RTL4: variants seen among roughly 807,000 people sequenced by gnomAD.
The protein encoded by RTL4 is retrotransposon Gag like 4, also known as retrotransposon Gag-like protein 4.
In RTL4, 4 loss-of-function variants were observed where a neutral mutation model predicts 5.3. That is an observed-to-expected ratio of 0.75 (90% CI 0.37 to 1.72). The LOEUF (loss-of-function observed/expected upper bound fraction) is 1.72, where lower values mean the gene tolerates loss of function less well. RTL4 is among the 40% of genes most tolerant of loss of function. RTL4 has a pLI of 0.04. For missense variants in RTL4, 260 were observed against 227.1 expected (o/e 1.14, Z -0.93); for synonymous variants, 98 against 87.3 (o/e 1.12, Z -0.68).
At chrX:112,332,574 C>T in the RTL4 span, among the ~76,000 whole-genome samples, 1 of 106,950 alleles carries the variant, frequency 9.4e-6, no homozygotes, top group Non-Finnish European at 1.9e-5. Context: ...AGCAAACTAT[C>T]GCAAGGACAA....
At chrX:112,153,834 G>A in the RTL4 span, among the ~76,000 whole-genome samples, 1 of 107,222 alleles carries the variant, frequency 9.3e-6, no homozygotes, top group Non-Finnish European at 2.0e-5. Flanking sequence ...TATCCTACCT[G>A]TAGTTAATTG....
At chrX:112,433,661 A>C in the RTL4 span, among the ~76,000 whole-genome samples, 1 of 42,429 alleles carries the variant, frequency 2.4e-5, no homozygotes, top group South Asian at 1.3e-3. Context: ...CTAGATATAC[A>C]ATCATGTCAT....
the RTL4 span, among the ~76,000 whole-genome samples, chrX:112,260,865 A>G: frequency 9.0e-6 from 1 of 111,700 alleles, no homozygotes; most frequent in Non-Finnish European, 1.9e-5. Flanking sequence ...ATGAATACCT[A>G]ATCTTAGATA....
chrX:112,109,354 C>T, the RTL4 span, among the ~76,000 whole-genome samples: 50 of 111,559 alleles, frequency 4.5e-4, no homozygotes, highest in African/African-American at 1.4e-3. Flanking sequence ...GAGTGAGCAA[C>T]AGCAAGATTT....
the RTL4 span, among the ~76,000 whole-genome samples, chrX:112,212,854 C>T: frequency 2.0e-4 from 23 of 112,204 alleles, no homozygotes; most frequent in African/African-American, 7.4e-4. Context: ...AAACCTATTC[C>T]CATTGAAGCT....
At chrX:112,419,213 A>G in the RTL4 span, among the ~76,000 whole-genome samples, 20 of 102,553 alleles carry the variant, frequency 2.0e-4, no homozygotes, top group African/African-American at 4.2e-4. Context: ...TGGGGCAGTT[A>G]CCTGGGAGGG....
At chrX:112,252,164 T>A in the RTL4 span, among the ~76,000 whole-genome samples, 2 of 112,111 alleles carry the variant, frequency 1.8e-5, no homozygotes, top group Non-Finnish European at 3.8e-5. Context: ...AGTAAACTGG[T>A]TCATGCTTTT....
chrX:112,374,294 C>T, the RTL4 span, among the ~76,000 whole-genome samples: 26 of 111,203 alleles, frequency 2.3e-4, no homozygotes, highest in Admixed American at 2.9e-4. Context: ...TCAGTGCCAC[C>T]TTTGTCATAA....
the RTL4 span, among the ~76,000 whole-genome samples, chrX:112,119,008 T>TC: frequency 1.0e-4 from 10 of 98,537 alleles, no homozygotes; most frequent in African/African-American, 4.3e-4. Context: ...CACACCCAGC[T>TC]AATTTTTTTT....
At chrX:112,222,314 T>A in the RTL4 span, among the ~76,000 whole-genome samples, 1 of 111,453 alleles carries the variant, frequency 9.0e-6, no homozygotes, top group African/African-American at 3.3e-5. Flanking sequence ...AGGATATACA[T>A]TCTAAAGTCT....
At chrX:112,115,871 G>A in the RTL4 span, among the ~76,000 whole-genome samples, 2 of 112,574 alleles carry the variant, frequency 1.8e-5, no homozygotes, top group African/African-American at 3.2e-5. Flanking sequence ...CCAAGGGTCA[G>A]GATAGGTAGG....
the RTL4 span, among the ~76,000 whole-genome samples, chrX:112,216,209 T>C: frequency 9.0e-6 from 1 of 111,667 alleles, no homozygotes; most frequent in Admixed American, 9.5e-5. Context: ...CCCATAACCC[T>C]TTGGAGCTCT....
At chrX:112,110,383 G>A in the RTL4 span, among the ~76,000 whole-genome samples, 1 of 111,381 alleles carries the variant, frequency 9.0e-6, no homozygotes, top group East Asian at 2.8e-4. Context: ...TGTGGTAGTA[G>A]GATAGTGAAG....
chrX:112,439,955 C>A, the RTL4 span, among the ~76,000 whole-genome samples: 1 of 111,507 alleles, frequency 9.0e-6, no homozygotes, highest in Non-Finnish European at 1.9e-5. Flanking sequence ...CAGCCCGAGG[C>A]ATTCCTATAT....
At chrX:112,361,892 C>A in the RTL4 span, among the ~76,000 whole-genome samples, 1 of 111,431 alleles carries the variant, frequency 9.0e-6, no homozygotes, top group Non-Finnish European at 1.9e-5. Flanking sequence ...AGAGGATGGA[C>A]CTTCAATTGG....
the RTL4 span, among the ~76,000 whole-genome samples, chrX:112,355,598 G>C: frequency 9.0e-6 from 1 of 111,212 alleles, no homozygotes; most frequent in Admixed American, 9.6e-5. Context: ...GTTAGCTGCT[G>C]GATGGGCCAC....
the RTL4 span, among the ~76,000 whole-genome samples, chrX:112,341,821 A>G: frequency 9.0e-6 from 1 of 111,416 alleles, no homozygotes; most frequent in Admixed American, 9.6e-5. Flanking sequence ...GAGTCCATGA[A>G]AGGAAGACAG....
the RTL4 span, among the ~76,000 whole-genome samples, chrX:112,243,256 G>C: frequency 9.0e-6 from 1 of 111,543 alleles, no homozygotes; most frequent in African/African-American, 3.3e-5. Flanking sequence ...GATGGGAATA[G>C]TTTCAGAAGT....
At chrX:112,244,834 A>C in the RTL4 span, among the ~76,000 whole-genome samples, 2 of 111,513 alleles carry the variant, frequency 1.8e-5, no homozygotes, top group Non-Finnish European at 3.8e-5. Context: ...GGTTGGTACC[A>C]GTTGTTTCTT....
Sources: gnomAD v4.1 joint callset for allele counts (sites outside exome capture counted in the v4.1 genomes callset) on GRCh38, gnomAD v4.1.1 for gene constraint, MANE v1.5 for transcripts, NCBI Gene and HGNC (gene_info 2026-07-23, HGNC 2026-07-21) for gene names.